The following CERS1 variants were observed in gnomAD, a reference collection of about 807,000 sequenced individuals.
CERS1 encodes the protein ceramide synthase 1.
In CERS1, 16 loss-of-function variants were observed where a neutral mutation model predicts 35.7. The ratio of observed to expected loss-of-function variants is 0.45; its 90% CI spans 0.30 to 0.68. The LOEUF is 0.68. CERS1 is among the 30% of genes least tolerant of loss of function. CERS1 has a pLI of 0.08. For synonymous variants in CERS1, 243 were observed against 201.6 expected, an observed-to-expected ratio of 1.21 and a Z score of -1.74; for missense variants, 454 against 453.9, an observed-to-expected ratio of 1.00 and a Z score of 0.00.
intron 3 of CERS1, chr19:18,883,105 C>T (rs900381597): frequency 4.6e-5 from 7 of 152,214 alleles, no homozygotes; most frequent in Non-Finnish European, 1.0e-4. Context: ...GGACTACAGG[C>T]ATGAGCTACT....
chr19:18,870,655 C>G lies in CERS1; in HGVS notation c.1011-36G>C. ...GAACCGGCGCAGGTTAGCCTGGGAGCCCCACGCGGCCGCCTGGCCCTCTTT... is the reference window on the plus strand; with the variant it reads ...GAACCGGCGCAGGTTAGCCTGGGAGGCCCACGCGGCCGCCTGGCCCTCTTT... On this transcript the variant is annotated intron_variant, in intron 6 of 7. Coordinates refer to ENST00000623882, the MANE Select transcript of CERS1 (RefSeq NM_021267.5). The surrounding 1 kb of genome is among the most constrained non-coding windows in gnomAD (Gnocchi z 5.1). 1 of 519,964 alleles carries G rather than the reference C, an allele frequency of 1.9e-6. No individual in the cohort carries two copies. The highest frequency in any genetic ancestry group is 3.5e-6 in the Non-Finnish European group (1 of 287,098). The allele number at this position is 519,964 out of a possible 1,614,324, so 32.2% of individuals were successfully genotyped here. A position where few individuals can be genotyped will look rare whatever the true frequency, so the allele number is the denominator to read the frequency against.
At chr19:18,880,652 T>C (rs1398144327) in intron 3 of CERS1, among the ~76,000 whole-genome samples, 1 of 150,812 alleles carries the variant, frequency 6.6e-6, no homozygotes, top group Non-Finnish European at 1.5e-5. Flanking sequence ...AACCAGACCC[T>C]CATCTTCCCT....
At chr19:18,879,409 A>C (rs751959501) in intron 4 of CERS1, 21 bp from the exon 5 acceptor site, 4 of 1,553,020 alleles carry the variant, frequency 2.6e-6, no homozygotes, top group Non-Finnish European at 3.5e-6. Flanking sequence ...AGGAGTCAGG[A>C]GGCCGTGGGT....
chr19:18,883,268 T>C (rs531358254), intron 3 of CERS1: 1 of 152,342 alleles, frequency 6.6e-6, no homozygotes, highest in East Asian at 1.9e-4. Context: ...TTAAAGTTTC[T>C]ATTGGCCACA....
At chr19:18,874,818 A>T (rs754519358) in intron 6 of CERS1, among the ~76,000 whole-genome samples, 11 of 152,176 alleles carry the variant, frequency 7.2e-5, no homozygotes, top group Non-Finnish European at 1.2e-4. Flanking sequence ...AAGAAGCAGC[A>T]ATGGGGTGAG....
intron 2 of CERS1, 73 bp downstream of exon 2, chr19:18,893,343 T>C: frequency 1.3e-6 from 2 of 1,482,762 alleles, no homozygotes; most frequent in South Asian, 2.6e-5. Flanking sequence ...GCCTCATGAG[T>C]AGCTGGGACC....
chr19:18,881,043 C>T (rs918231890), intron 3 of CERS1, among the ~76,000 whole-genome samples: 1 of 151,634 alleles, frequency 6.6e-6, no homozygotes, highest in Admixed American at 6.6e-5. Flanking sequence ...TGACCTCTGA[C>T]CCTCTATGAC....
chr19:18,879,234 G>A lies in CERS1; in HGVS notation c.900+7C>T, dbSNP rs774208203. On this transcript the variant is annotated splice_region_variant and intron_variant, in intron 5 of 7. Transcript: ENST00000623882. ...GCCACTGTGGAGGAGAGCCGGGGCC[G>A]ACTCACCAGGAACCAGTAGAGGTTC... 3.3e-5 allele frequency: 53 copies of A among 1,613,310 alleles called. No homozygotes were observed. Among genetic ancestry groups the A allele is most frequent in the South Asian group, 4.4e-5 (4 of 91,008 alleles).
At chr19:18,893,688 G>T (rs2056553943) in intron 1 of CERS1, 113 bp from the exon 2 acceptor site, 2 of 1,117,054 alleles carry the variant, frequency 1.8e-6, no homozygotes, top group Non-Finnish European at 1.3e-6. Flanking sequence ...CACTGGGAAG[G>T]CCTGTCCCCC....
At position 18,868,861 on chromosome 19, in the gene CERS1, G is replaced by C; in HGVS notation, c.*1124C>G. The C allele has an allele frequency of 6.9e-7, 1 of 1,443,218 alleles. No individual in the cohort carries two copies. Among genetic ancestry groups the C allele is most frequent in the Non-Finnish European group, 9.2e-7 (1 of 1,090,690 alleles). The allele number at this position is 1,443,218 out of a possible 1,614,324, so 89.4% of individuals were successfully genotyped here. A position where few individuals can be genotyped will look rare whatever the true frequency, so the allele number is the denominator to read the frequency against. ...TGGCCAGGAAGCCGCGCGGCGCGAT[G>C]ACCCAGCGGTGCCAGCCCACCTCGC... On this transcript the variant is annotated 3_prime_UTR_variant, in exon 8 of 8. Coordinates refer to ENST00000623882, the MANE Select transcript of CERS1 (RefSeq NM_021267.5).
Position 18,868,942 on chromosome 19 carries a change from C to T in CERS1, c.*1043G>A. 7.9e-7 allele frequency: 1 copy of T among 1,267,500 alleles called. No homozygotes were observed. The highest frequency in any genetic ancestry group is 1.6e-5 in the African/African-American group (1 of 61,310). The allele number at this position is 1,267,500 out of a possible 1,614,324, so 78.5% of individuals were successfully genotyped here. Reference sequence around the variant, plus strand: ...AAGCGCCCCCGGGGCCGCCGCCCAACACGGGTTCGGCGTCGCGCCGCGGCC... The same window carrying T: ...AAGCGCCCCCGGGGCCGCCGCCCAATACGGGTTCGGCGTCGCGCCGCGGCC... On this transcript the variant is annotated 3_prime_UTR_variant, in exon 8 of 8. Coordinates refer to ENST00000623882, the MANE Select transcript of CERS1 (RefSeq NM_021267.5).
chr19:18,879,536 C>T, intron 4 of CERS1, 148 bp from the exon 5 acceptor site: 5 of 997,678 alleles, frequency 5.0e-6, no homozygotes, highest in Non-Finnish European at 7.2e-6. Context: ...CTCTGTCCTT[C>T]CCCTCCCCTG....
intron 4 of CERS1, among the ~76,000 whole-genome samples, chr19:18,879,689 C>T (rs2056150977): frequency 6.8e-6 from 1 of 147,542 alleles, no homozygotes; most frequent in Non-Finnish European, 1.5e-5. Context: ...CCACCTACCT[C>T]ACCAAACCCC....
At position 18,868,580 on chromosome 19, in the gene CERS1, T is replaced by TCC; in HGVS notation, c.*1403_*1404dup. ...CGCGGCATTTATTGTTGGGCCCGCG[T>TCC]CCCTGCCCGCCCCGGGTTAGCGGCA... On this transcript the variant is annotated 3_prime_UTR_variant, in exon 8 of 8. Transcript: ENST00000623882. The TCC allele has an allele frequency of 6.5e-7, 1 of 1,537,822 alleles. No individual in the cohort carries two copies. Among genetic ancestry groups the TCC allele is most frequent in the Non-Finnish European group, 8.8e-7 (1 of 1,135,412 alleles).
intron 4 of CERS1, 138 bp from the exon 5 acceptor site, chr19:18,879,526 C>T (rs1478826374): frequency 7.5e-6 from 8 of 1,059,724 alleles, no homozygotes; most frequent in Admixed American, 2.5e-5. Flanking sequence ...TCTACTACTG[C>T]TCTGTCCTTC....
chr19:18,885,182 T>C (rs912093704), intron 2 of CERS1, among the ~76,000 whole-genome samples: 4 of 152,182 alleles, frequency 2.6e-5, no homozygotes, highest in Non-Finnish European at 1.5e-5. Context: ...GACACATTAT[T>C]ATCATTATAT....
chr19:18,873,244 T>TCAAA (rs1318241259), intron 6 of CERS1, among the ~76,000 whole-genome samples: 2 of 152,056 alleles, frequency 1.3e-5, no homozygotes, highest in African/African-American at 4.8e-5. Context: ...GCTGGAAATG[T>TCAAA]CAAACACGGG....
chr19:18,879,620 C>T (rs1257063450), intron 4 of CERS1, among the ~76,000 whole-genome samples: 3 of 150,672 alleles, frequency 2.0e-5, no homozygotes, highest in East Asian at 4.0e-4. Flanking sequence ...CAGGCCTCAC[C>T]CACCTCGCCA....
intron 7 of CERS1, among the ~76,000 whole-genome samples, chr19:18,869,768 G>A (rs570963998): frequency 6.6e-6 from 1 of 152,260 alleles, no homozygotes; most frequent in African/African-American, 2.4e-5. Flanking sequence ...TCAGCATCAA[G>A]CAGAAGGACT....
Sources: gnomAD v4.1 joint callset for allele counts (sites outside exome capture counted in the v4.1 genomes callset) on GRCh38, gnomAD v4.1.1 for gene constraint, Gnocchi (gnomAD v3.1) non-coding constraint, MANE v1.5 for transcripts, NCBI Gene and HGNC (gene_info 2026-07-23, HGNC 2026-07-21) for gene names.